FKBP9: variants seen among roughly 807,000 people sequenced by gnomAD.
The protein encoded by FKBP9 is peptidyl-prolyl cis-trans isomerase FKBP9.
In FKBP9, 27 loss-of-function variants were observed where a neutral mutation model predicts 55.6. The ratio of observed to expected loss-of-function variants is 0.49; its 90% confidence interval spans 0.36 to 0.67. FKBP9 has a LOEUF of 0.67. Ranked by LOEUF, FKBP9 falls within the 30% of genes least tolerant of loss-of-function variation. The pLI, the probability that FKBP9 is intolerant of heterozygous loss-of-function variation, is 0.00. For synonymous variants in FKBP9, 267 were observed against 296.5 expected, an observed-to-expected ratio of 0.90 and a Z score of 1.02; for missense variants, 539 against 742.8, an observed-to-expected ratio of 0.73 and a Z score of 3.19.
At chr7:32,993,754 G>A (rs2392185) in intron 6 of FKBP9, among the ~76,000 whole-genome samples, 140,775 of 151,960 alleles carry the variant, frequency 0.93, 65,332 homozygotes, top group African/African-American at 0.95. Flanking sequence ...CGGAGGTTGC[G>A]GTGAGCTGAG....
intron 9 of FKBP9, among the ~76,000 whole-genome samples, chr7:33,004,408 A>G (rs779217718): frequency 2.0e-5 from 3 of 152,054 alleles, no homozygotes; most frequent in Non-Finnish European, 4.4e-5. Context: ...TTACCCGGCC[A>G]CACCTGCCCC....
At chr7:32,993,476 C>T (rs1383536728) in intron 6 of FKBP9, among the ~76,000 whole-genome samples, 2 of 152,198 alleles carry the variant, frequency 1.3e-5, no homozygotes, top group Non-Finnish European at 2.9e-5. Context: ...CTTTCTGTGT[C>T]TGTCTTATTT....
intron 1 of FKBP9, among the ~76,000 whole-genome samples, chr7:32,965,645 A>G (rs1784117332): frequency 6.7e-6 from 1 of 149,778 alleles, no homozygotes; most frequent in African/African-American, 2.5e-5. Context: ...TAAAATTACA[A>G]AAATTAGCTG....
chr7:33,004,497 T>C (rs1784996096), intron 9 of FKBP9, among the ~76,000 whole-genome samples: 1 of 152,194 alleles, frequency 6.6e-6, no homozygotes, highest in Non-Finnish European at 1.5e-5. Context: ...AGGAGACATC[T>C]ACCCCAGATA....
intron 1 of FKBP9, among the ~76,000 whole-genome samples, chr7:32,962,027 G>A (rs1168410531): frequency 6.6e-6 from 1 of 151,816 alleles, no homozygotes; most frequent in Non-Finnish European, 1.5e-5. Flanking sequence ...CCCCCACCCC[G>A]GTCATGGAAA....
chr7:32,994,059 T>C (rs1187601059), intron 6 of FKBP9, among the ~76,000 whole-genome samples: 1 of 152,234 alleles, frequency 6.6e-6, no homozygotes, highest in African/African-American at 2.4e-5. Flanking sequence ...GAAAGATATT[T>C]TTATTTAATG....
At chr7:32,996,061 C>T (rs1382247530) in intron 6 of FKBP9, 102 bp from the exon 7 acceptor site, 5 of 1,004,370 alleles carry the variant, frequency 5.0e-6, no homozygotes, top group Non-Finnish European at 7.6e-6. Flanking sequence ...TGCCCGTTTT[C>T]CTCACTTGGA....
intron 1 of FKBP9, among the ~76,000 whole-genome samples, chr7:32,965,845 G>GTATACACATATATATATATATATATA (rs1562563036): frequency 1.3e-5 from 1 of 76,760 alleles, no homozygotes; most frequent in African/African-American, 6.5e-5. Flanking sequence ...ATATATATAT[G>GTATACACATATATATATATATATATA]TGTGTACAGA....
chr7:32,960,452 G>A (rs1161507412), intron 1 of FKBP9, among the ~76,000 whole-genome samples: 4 of 152,120 alleles, frequency 2.6e-5, no homozygotes, highest in Non-Finnish European at 5.9e-5. Flanking sequence ...GGTGTGAAAT[G>A]ATATCTCATT....
chr7:32,992,585 A>C (rs1784706953), intron 6 of FKBP9: 1 of 179,826 alleles, frequency 5.6e-6, no homozygotes, highest in South Asian at 2.0e-4. Context: ...TTTGCTGGTC[A>C]GCACTCATTT....
Position 33,000,158 on chromosome 7 carries a change from C to T in FKBP9, c.1270C>T (p.Gln424Ter). 1 of 1,613,936 alleles carries T rather than the reference C, an allele frequency of 6.2e-7. No individual in the cohort carries two copies. Among genetic ancestry groups the T allele is most frequent in the South Asian group, 1.1e-5 (1 of 91,064 alleles). ...KTYNIVLGSG[Q>*]VVLGMDMGLR... Reference sequence around the variant, plus strand: ...TTACAATATTGTTCTGGGATCTGGGCAAGTTGTGTTGGGGATGGACATGGG... The same window carrying T: ...TTACAATATTGTTCTGGGATCTGGGTAAGTTGTGTTGGGGATGGACATGGG... Residue 424 changes from glutamine to a stop codon, truncating the protein, a stop_gained, in exon 8 of 10, where the codon CAA (glutamine) becomes TAA (stop). Coordinates refer to ENST00000242209, the MANE Select transcript of FKBP9 (RefSeq NM_007270.5). LOFTEE classifies it high-confidence loss of function.
At chr7:32,979,085 A>C (rs931700395) in intron 4 of FKBP9, among the ~76,000 whole-genome samples, 1 of 152,122 alleles carries the variant, frequency 6.6e-6, no homozygotes, top group Non-Finnish European at 1.5e-5. Context: ...CCTGGCCAGC[A>C]TGGGGAAACC....
At chr7:32,977,803 T>TTATA (rs879432629) in intron 4 of FKBP9, among the ~76,000 whole-genome samples, 1 of 123,186 alleles carries the variant, frequency 8.1e-6, no homozygotes, top group African/African-American at 3.1e-5. Flanking sequence ...ATATATATAC[T>TTATA]TATATATATA....
At chr7:32,958,939 G>A (rs1042829711) in intron 1 of FKBP9, among the ~76,000 whole-genome samples, 4 of 152,148 alleles carry the variant, frequency 2.6e-5, no homozygotes, top group African/African-American at 9.7e-5. Context: ...AGAGCTATTT[G>A]TTGAGCCCCT....
At chr7:32,974,451 C>T in intron 1 of FKBP9, 166 bp from the exon 2 acceptor site, 1 of 498,864 alleles carries the variant, frequency 2.0e-6, no homozygotes, top group East Asian at 3.1e-5. Context: ...TCCAACCCTA[C>T]AAGTACTGTC....
At chr7:32,968,129 C>T (rs1308855621) in intron 1 of FKBP9, among the ~76,000 whole-genome samples, 2 of 152,170 alleles carry the variant, frequency 1.3e-5, no homozygotes, top group African/African-American at 2.4e-5. Context: ...GCCTTGACCT[C>T]CTGAGCTCAA....
At chr7:32,979,569 T>C in intron 4 of FKBP9, 1 of 1,550,110 alleles carries the variant, frequency 6.5e-7, no homozygotes, top group Non-Finnish European at 8.7e-7. Flanking sequence ...CTTTGCATGA[T>C]ATAACAAATG....
intron 5 of FKBP9, among the ~76,000 whole-genome samples, chr7:32,981,405 T>C (rs1291010298): frequency 6.6e-6 from 1 of 152,236 alleles, no homozygotes; most frequent in Non-Finnish European, 1.5e-5. Flanking sequence ...GTTCAAAGTT[T>C]TGTTTTGTTT....
intron 7 of FKBP9, 151 bp downstream of exon 7, chr7:32,996,500 C>T: frequency 1.6e-6 from 1 of 622,760 alleles, no homozygotes; most frequent in Non-Finnish European, 2.9e-6. Context: ...TGCTCAGGTG[C>T]ATTGTGTTAA....
Sources: gnomAD v4.1 joint callset for allele counts (sites outside exome capture counted in the v4.1 genomes callset) on GRCh38, gnomAD v4.1.1 for gene constraint, MANE v1.5 for transcripts, NCBI Gene and HGNC (gene_info 2026-07-23, HGNC 2026-07-21) for gene names.